DMD: variants seen among roughly 807,000 people sequenced by gnomAD.
DMD encodes mutant dystrophin.
In DMD, 63 loss-of-function variants were observed where a neutral mutation model predicts 330.1. That is an observed-to-expected ratio of 0.19 (90% CI 0.16 to 0.24). The LOEUF is 0.24. Ranked by LOEUF, DMD falls within the 10% of genes least tolerant of loss-of-function variation. The pLI is 1.00. For missense variants in DMD, 3,344 were observed against 2,684.1 expected (o/e 1.25, Z -5.43); for synonymous variants, 1,223 against 959.8 (o/e 1.27, Z -5.07).
At chrX:32,660,301 T>C (rs779399881) in intron 9 of DMD, among the ~76,000 whole-genome samples, 1 of 110,472 alleles carries the variant, frequency 9.1e-6, no homozygotes, top group African/African-American at 3.3e-5. Context: ...TCTGATTTGG[T>C]GAAGATACTA....
intron 48 of DMD, among the ~76,000 whole-genome samples, chrX:31,868,987 C>T (rs781380750): frequency 9.4e-6 from 1 of 105,968 alleles, no homozygotes; most frequent in South Asian, 4.3e-4. Context: ...CTATGCGTTA[C>T]CTCCAAAAGT....
intron 7 of DMD, among the ~76,000 whole-genome samples, chrX:32,801,522 A>G (rs1020753523): frequency 1.2e-3 from 131 of 111,951 alleles, no homozygotes; most frequent in African/African-American, 4.2e-3. Flanking sequence ...GTAAGATCTC[A>G]TTTGTCAATT....
intron 1 of DMD, among the ~76,000 whole-genome samples, chrX:33,161,404 A>G (rs1224609851): frequency 4.5e-5 from 5 of 111,687 alleles, no homozygotes; most frequent in Non-Finnish European, 9.4e-5. Context: ...TTTTTTATGT[A>G]TGAGTGCCTA....
In DMD at chrX:32,584,576, C is replaced by A. The variant is rs753559669; in HGVS notation, c.1603-10730G>T. Among the ~76,000 whole-genome samples the A allele has an allele frequency of 8.0e-5, 9 of 112,084 alleles. No individual in the cohort carries two copies. The East Asian group carries it at 2.3e-3, about 28-fold the overall frequency. On this transcript the variant is annotated intron_variant, in intron 13 of 78. Transcript: ENST00000357033. ...TGTGGTATATTCATACAAAGTAATT[C>A]TATCCAGCGATGAAAATTAATAAAG...
intron 1 of DMD, among the ~76,000 whole-genome samples, chrX:33,338,816 A>G (rs1460219901): frequency 8.9e-6 from 1 of 111,925 alleles, no homozygotes; most frequent in Admixed American, 9.5e-5. Context: ...GAAACCAAGT[A>G]TAACAATTTT....
At chrX:32,518,891 A>G (rs1175666486) in intron 17 of DMD, among the ~76,000 whole-genome samples, 1 of 110,213 alleles carries the variant, frequency 9.1e-6, no homozygotes, top group Non-Finnish European at 1.9e-5. Context: ...CCTACGTTGA[A>G]GAATTAGGAG....
rs779342713 is a variant in DMD, at chrX:32,644,952, G to T, written c.1149+12C>A. ...CATATGTTTTGTTTTGTAAATTAACGTTTTAGTTTACCTCATGAGTATGAA... is the reference window on the plus strand; with the variant it reads ...CATATGTTTTGTTTTGTAAATTAACTTTTTAGTTTACCTCATGAGTATGAA... On this transcript the variant is annotated intron_variant, in intron 10 of 78. Transcript: ENST00000357033. 2 of 1,207,281 alleles carry T rather than the reference G, an allele frequency of 1.7e-6. No individual in the cohort carries two copies. The highest frequency in any genetic ancestry group is 3.0e-5 in the East Asian group (1 of 33,804).
intron 55 of DMD, among the ~76,000 whole-genome samples, chrX:31,594,359 C>A (rs1257960651): frequency 9.1e-6 from 1 of 110,357 alleles, no homozygotes; most frequent in Non-Finnish European, 1.9e-5. Flanking sequence ...ACTAGAGAAG[C>A]CCTTTCGACT....
At chrX:31,396,429 G>A (rs1487143828) in intron 60 of DMD, among the ~76,000 whole-genome samples, 4 of 111,154 alleles carry the variant, frequency 3.6e-5, no homozygotes, top group East Asian at 2.8e-4. Flanking sequence ...GAGCCACCGC[G>A]CCCGGCCCAA....
At chrX:32,324,531 G>A (rs1297410806) in intron 41 of DMD, among the ~76,000 whole-genome samples, 2 of 111,560 alleles carry the variant, frequency 1.8e-5, no homozygotes, top group Non-Finnish European at 3.8e-5. Context: ...GTTCAAGACC[G>A]AAAAGCACTA....
intron 44 of DMD, among the ~76,000 whole-genome samples, chrX:32,131,637 G>T (rs2096695324): frequency 8.9e-6 from 1 of 112,006 alleles, no homozygotes; most frequent in Non-Finnish European, 1.9e-5. Context: ...TCTTAGTCAG[G>T]GATGGTCATT....
chrX:32,747,139 T>G (rs890205260), intron 7 of DMD, among the ~76,000 whole-genome samples: 8 of 112,477 alleles, frequency 7.1e-5, no homozygotes, highest in Non-Finnish European at 1.5e-4. Context: ...CTCAACAATC[T>G]GTTTTAACAA....
chrX:31,205,720 G>GTATT (rs2043998438), intron 66 of DMD, among the ~76,000 whole-genome samples: 1 of 112,708 alleles, frequency 8.9e-6, no homozygotes, highest in African/African-American at 3.2e-5. Flanking sequence ...AATGGTTTGT[G>GTATT]TATTTTGTGG....
intron 62 of DMD, among the ~76,000 whole-genome samples, chrX:31,315,952 T>C (rs1601814958): frequency 8.9e-6 from 1 of 112,203 alleles, no homozygotes; most frequent in Non-Finnish European, 1.9e-5. Flanking sequence ...TCATGAATGA[T>C]ATTTAGGAAA....
intron 44 of DMD, among the ~76,000 whole-genome samples, chrX:32,057,740 C>T (rs998907670): frequency 9.1e-6 from 1 of 109,563 alleles, no homozygotes; most frequent in African/African-American, 3.3e-5. Flanking sequence ...AGGTAAATTT[C>T]CTAAAATTCA....
chrX:32,248,492 C>G, intron 43 of DMD, among the ~76,000 whole-genome samples: 1 of 110,002 alleles, frequency 9.1e-6, no homozygotes, highest in South Asian at 3.8e-4. Context: ...ATTAGTGACT[C>G]AAATTATAAT....
chrX:32,874,910 A>G (rs186734617), intron 2 of DMD, among the ~76,000 whole-genome samples: 1 of 111,679 alleles, frequency 9.0e-6, no homozygotes, highest in Admixed American at 9.5e-5. Flanking sequence ...GGCATTAAGC[A>G]TTAAGTGAAT....
At position 31,467,447 on chromosome X, in the gene DMD, G is replaced by A. The variant is rs1056269436; in HGVS notation, c.8937+10659C>T. On this transcript the variant is annotated intron_variant, in intron 59 of 78. Transcript: ENST00000357033. ...TCATGTGGTTTTTGTCATTGGTTCTGTTTAAGTGATGGATTATGTTTATTG... is the reference window on the plus strand; with the variant it reads ...TCATGTGGTTTTTGTCATTGGTTCTATTTAAGTGATGGATTATGTTTATTG... Among the ~76,000 whole-genome samples the A allele has an allele frequency of 5.4e-5, 6 of 111,947 alleles. 1 individual carries two copies. The highest frequency in any genetic ancestry group is 3.7e-4 in the South Asian group (1 of 2,706).
chrX:33,182,364 C>T (rs2050043160), intron 1 of DMD, among the ~76,000 whole-genome samples: 1 of 111,458 alleles, frequency 9.0e-6, no homozygotes, highest in Non-Finnish European at 1.9e-5. Flanking sequence ...TCCTAGGCTC[C>T]AGTGATCCTC....
Sources: allele counts gnomAD v4.1 joint callset (sites outside exome capture counted in the v4.1 genomes callset), GRCh38; gene constraint gnomAD v4.1.1; transcripts MANE v1.5; gene names NCBI Gene and HGNC (gene_info 2026-07-23, HGNC 2026-07-21).